Variants in UPRT observed in about 807,000 individuals in gnomAD.
UPRT encodes RP11-311P8.3.
UPRT carries 5 observed loss-of-function variants against 22.6 expected under a neutral mutation model. That is an observed-to-expected ratio of 0.22 (90% CI 0.12 to 0.47). The LOEUF is 0.47. UPRT is among the 20% of genes least tolerant of loss of function. The pLI is 0.99. For missense variants in UPRT, 181 were observed against 239.9 expected, an observed-to-expected ratio of 0.75 and a Z score of 1.62; for synonymous variants, 77 against 87.7, an observed-to-expected ratio of 0.88 and a Z score of 0.68.
chrX:75,246,945 CTT>C (rs1478905469), intron 4 of UPRT, among the ~76,000 whole-genome samples: 1 of 111,926 alleles, frequency 8.9e-6, no homozygotes, highest in Non-Finnish European at 1.9e-5. Context: ...AAGCATGTCA[CTT>C]TATAGACAGG....
At chrX:75,282,532 C>A (rs1216079798) in intron 1 of UPRT, among the ~76,000 whole-genome samples, 4 of 111,306 alleles carry the variant, frequency 3.6e-5, no homozygotes, top group Non-Finnish European at 7.5e-5. Context: ...GTTTTTGACC[C>A]AGTGATCATT....
At position 75,296,542 on chromosome X, in the gene UPRT, A is replaced by G. The variant is rs748005310; in HGVS notation, c.499+131A>G. On this transcript the variant is annotated intron_variant, in intron 3 of 6. Transcript: ENST00000373383. The stretch of plus-strand genomic sequence containing the variant: ...GGCTAGGTGGAGCTATTCTTTTAAA[A>G]TCTTAAAAATAAAACTCAGGCATTT... 10 of 540,679 alleles carry G rather than the reference A, an allele frequency of 1.8e-5. No individual in the cohort carries two copies. In the African/African-American group the frequency reaches 1.9e-4, roughly 10 times the overall value. The allele number at this position is 540,679 out of a possible 1,213,427, so 44.6% of individuals were successfully genotyped here. A position where few individuals can be genotyped will look rare whatever the true frequency, so the allele number is the denominator to read the frequency against.
At chrX:75,215,702 A>G (rs2082391030) in intron 4 of UPRT, among the ~76,000 whole-genome samples, 1 of 111,807 alleles carries the variant, frequency 8.9e-6, no homozygotes, top group South Asian at 3.7e-4. Flanking sequence ...CATTACAGAT[A>G]TTAAAATTAC....
intron 1 of UPRT, among the ~76,000 whole-genome samples, chrX:75,157,510 TAGG>T (rs2082185659): frequency 1.8e-5 from 2 of 112,219 alleles, no homozygotes; most frequent in African/African-American, 6.5e-5. Context: ...GGGAAAGTAG[TAGG>T]AGGTTAACCT....
chrX:75,272,290 ATATATATGTG>A (rs2082610799), upstream of UPRT, among the ~76,000 whole-genome samples: 3 of 17,965 alleles, frequency 1.7e-4, no homozygotes, highest in Admixed American at 4.1e-3. Flanking sequence ...ATATATACAC[ATATATATGTG>A]TATATATATG....
At chrX:75,201,551 A>AT in intron 4 of UPRT, 1 of 122,527 alleles carries the variant, frequency 8.2e-6, no homozygotes. Flanking sequence ...CTTTGTTTAT[A>AT]AGTGGAAAGT....
intron 4 of UPRT, among the ~76,000 whole-genome samples, chrX:75,225,321 A>C (rs865895004): frequency 1.1e-4 from 8 of 74,996 alleles, no homozygotes; most frequent in Admixed American, 1.8e-4. Context: ...CAAAACCAAA[A>C]ACCACACACA....
At chrX:75,225,129 G>A (rs1204295784) in intron 4 of UPRT, among the ~76,000 whole-genome samples, 3 of 110,833 alleles carry the variant, frequency 2.7e-5, no homozygotes, top group African/African-American at 9.8e-5. Flanking sequence ...AAGGGCTATT[G>A]GGTCCCCAGT....
At chrX:75,251,055 T>A (rs369556578) in intron 4 of UPRT, among the ~76,000 whole-genome samples, 1 of 111,536 alleles carries the variant, frequency 9.0e-6, no homozygotes, top group African/African-American at 3.3e-5. Context: ...ATTGATGGGA[T>A]GTATCTCAAA....
intron 4 of UPRT, among the ~76,000 whole-genome samples, chrX:75,197,247 G>A (rs1396402233): frequency 2.7e-5 from 3 of 111,730 alleles, no homozygotes; most frequent in Non-Finnish European, 3.8e-5. Context: ...TTTGGTTTGC[G>A]GTGGCAAACA....
intron 4 of UPRT, among the ~76,000 whole-genome samples, chrX:75,170,741 T>A (rs1311430163): frequency 9.0e-6 from 1 of 111,567 alleles, no homozygotes; most frequent in Non-Finnish European, 1.9e-5. Context: ...ATATCTAGGA[T>A]TCCTTTTAGT....
At chrX:75,294,740 G>A (rs1035060108) in intron 2 of UPRT, 14 of 365,980 alleles carry the variant, frequency 3.8e-5, no homozygotes, top group Middle Eastern at 1.3e-3. Flanking sequence ...CAATAGTTAC[G>A]TCATTCTGTC....
At chrX:75,266,636 C>A (rs1355913149) in intron 4 of UPRT, among the ~76,000 whole-genome samples, 1 of 111,214 alleles carries the variant, frequency 9.0e-6, no homozygotes, top group Non-Finnish European at 1.9e-5. Context: ...AAGAAACTAC[C>A]ATCAGAGTGA....
intron 4 of UPRT, among the ~76,000 whole-genome samples, chrX:75,184,434 G>C (rs2082281957): frequency 1.9e-5 from 2 of 104,883 alleles, no homozygotes; most frequent in Non-Finnish European, 3.9e-5. Flanking sequence ...TAGCCTTGTA[G>C]TATAGTTTGA....
chrX:75,158,130 A>G (rs2082188617), intron 1 of UPRT, among the ~76,000 whole-genome samples: 1 of 112,254 alleles, frequency 8.9e-6, no homozygotes, highest in Non-Finnish European at 1.9e-5. Context: ...TTGTTACTCT[A>G]TGATGAGCTA....
intron 2 of UPRT, among the ~76,000 whole-genome samples, chrX:75,160,859 A>C (rs2082197006): frequency 8.9e-6 from 1 of 112,303 alleles, no homozygotes; most frequent in Admixed American, 9.5e-5. Context: ...CAAATATTCC[A>C]AAAGCAGTTC....
chrX:75,206,562 A>G (rs2082367626), intron 4 of UPRT, among the ~76,000 whole-genome samples: 1 of 111,427 alleles, frequency 9.0e-6, no homozygotes, highest in Non-Finnish European at 1.9e-5. Flanking sequence ...AAAAAATTTT[A>G]TCATTGAGGT....
At chrX:75,192,367 G>T (rs1282366753) in intron 4 of UPRT, among the ~76,000 whole-genome samples, 1 of 110,169 alleles carries the variant, frequency 9.1e-6, no homozygotes, top group Non-Finnish European at 1.9e-5. Context: ...GCTGAGGATT[G>T]TTTTATTCCT....
chrX:75,277,204 G>T (rs1021183480), intron 1 of UPRT, among the ~76,000 whole-genome samples: 5 of 111,459 alleles, frequency 4.5e-5, no homozygotes, highest in African/African-American at 1.6e-4. Context: ...ATTCACATAT[G>T]TGCCTTTTTT....
Sources: allele counts gnomAD v4.1 joint callset (sites outside exome capture counted in the v4.1 genomes callset), GRCh38; gene constraint gnomAD v4.1.1; transcripts MANE v1.5; gene names NCBI Gene and HGNC (gene_info 2026-07-23, HGNC 2026-07-21).